The following PDE10A variants were observed in gnomAD, a reference collection of about 807,000 sequenced individuals.
PDE10A encodes phosphodiesterase 10A.
PDE10A carries 39 observed loss-of-function variants against 97.7 expected under a neutral mutation model. The observed-to-expected ratio is 0.40, with a 90% CI of 0.31 to 0.52. PDE10A has a LOEUF of 0.52. Among genes scored for constraint, PDE10A ranks in the 20% least tolerant of loss-of-function variants. The pLI, the probability that PDE10A is intolerant of heterozygous loss-of-function variation, is 0.56. For missense variants in PDE10A, 731 were observed against 1,047.8 expected (o/e 0.70, Z 4.17); for synonymous variants, 371 against 376.8 (o/e 0.98, Z 0.18).
intron 1 of PDE10A, among the ~76,000 whole-genome samples, chr6:165,646,469 G>C (rs191764235): frequency 1.3e-5 from 2 of 152,314 alleles, no homozygotes; most frequent in Admixed American, 1.3e-4. Context: ...TTACAGATGA[G>C]AAAATTAGAG....
At chr6:165,805,546 C>T (rs1306398139) in intron 1 of PDE10A, among the ~76,000 whole-genome samples, 2 of 152,120 alleles carry the variant, frequency 1.3e-5, no homozygotes, top group African/African-American at 4.8e-5. Flanking sequence ...ACCCCACCTT[C>T]GACATCATTT....
intron 1 of PDE10A, among the ~76,000 whole-genome samples, chr6:165,931,858 A>G (rs1583302577): frequency 6.6e-6 from 1 of 152,284 alleles, no homozygotes; most frequent in East Asian, 1.9e-4. Flanking sequence ...ACCCAGAGGA[A>G]AAAGCTCCAG....
At chr6:165,395,484 A>T (rs1197196287) in intron 14 of PDE10A, among the ~76,000 whole-genome samples, 1 of 152,168 alleles carries the variant, frequency 6.6e-6, no homozygotes, top group Non-Finnish European at 1.5e-5. Context: ...TGAGTTATTG[A>T]TTTTCTATTA....
intron 1 of PDE10A, 24 bp from the exon 2 acceptor site, chr6:165,543,592 A>C (rs564357775): frequency 6.3e-7 from 1 of 1,585,390 alleles, no homozygotes; most frequent in South Asian, 1.1e-5. Flanking sequence ...GAAAAGAATA[A>C]AATTCACCTA....
chr6:165,331,223 T>C lies in PDE10A; in HGVS notation c.*1802A>G, dbSNP rs951904216. ...TACATATATTACATCCATCCATATA[T>C]ATATGTGTGTGTATATATCTAGCCA... On this transcript the variant is annotated 3_prime_UTR_variant, in exon 22 of 22. Transcript: ENST00000539869. 6.6e-6 allele frequency: 1 copy of C among 152,160 alleles called. No individual in the cohort carries two copies. Among genetic ancestry groups the C allele is most frequent in the Non-Finnish European group, 1.5e-5 (1 of 68,012 alleles). The allele number at this position is 152,160 out of a possible 1,614,324, so 9.4% of individuals were successfully genotyped here.
chr6:165,875,545 A>C (rs2280556), intron 1 of PDE10A, among the ~76,000 whole-genome samples: 1 of 151,976 alleles, frequency 6.6e-6, no homozygotes, highest in Admixed American at 6.5e-5. Flanking sequence ...CACAAGACAA[A>C]ACCATTGATT....
At chr6:165,410,664 C>T (rs934521145) in intron 13 of PDE10A, among the ~76,000 whole-genome samples, 1 of 152,004 alleles carries the variant, frequency 6.6e-6, no homozygotes, top group Non-Finnish European at 1.5e-5. Context: ...CAAGTGCAGA[C>T]GGTTAATAGG....
chr6:165,742,690 G>C (rs922480504), intron 1 of PDE10A, among the ~76,000 whole-genome samples: 3 of 152,128 alleles, frequency 2.0e-5, no homozygotes, highest in African/African-American at 7.2e-5. Flanking sequence ...AGGTGAGCAC[G>C]ACAGTTCTCA....
At chr6:165,411,977 T>G (rs947709681) in intron 13 of PDE10A, among the ~76,000 whole-genome samples, 7 of 152,086 alleles carry the variant, frequency 4.6e-5, no homozygotes, top group African/African-American at 1.7e-4. Flanking sequence ...TCACGAACAG[T>G]TATATTAACT....
At position 165,458,930 on chromosome 6, in the gene PDE10A, C is replaced by T. The variant is rs532967923; in HGVS notation, c.1024-8568G>A. On this transcript the variant is annotated intron_variant, in intron 3 of 21. Coordinates refer to ENST00000539869, the MANE Select transcript of PDE10A (RefSeq NM_001385079.1). ...CTATAAAGGATTATGACCCCCCACC[C>T]GTCTAAGTTCAAATCCCAGATCACA... Among the ~76,000 whole-genome samples the T allele has an allele frequency of 1.2e-4, 19 of 152,258 alleles. No homozygotes were observed. In the East Asian group the frequency reaches 3.1e-3, roughly 25 times the overall value.
intron 1 of PDE10A, among the ~76,000 whole-genome samples, chr6:165,644,313 G>A (rs753888972): frequency 6.6e-6 from 1 of 152,102 alleles, no homozygotes; most frequent in Non-Finnish European, 1.5e-5. Flanking sequence ...TGCCGGCCTC[G>A]GCCTCCCAAA....
chr6:165,353,666 C>T (rs945519963), intron 18 of PDE10A, among the ~76,000 whole-genome samples: 1 of 152,104 alleles, frequency 6.6e-6, no homozygotes, highest in African/African-American at 2.4e-5. Flanking sequence ...AACTATATGA[C>T]ATTCTGGAAA....
intron 1 of PDE10A, among the ~76,000 whole-genome samples, chr6:165,866,145 GA>G (rs199601491): frequency 8.4e-4 from 124 of 147,814 alleles, no homozygotes; most frequent in African/African-American, 2.9e-3. Context: ...TGGCTAAATG[GA>G]AAAAAAAAAT....
chr6:165,910,621 A>G (rs890480563), intron 1 of PDE10A, among the ~76,000 whole-genome samples: 2 of 152,242 alleles, frequency 1.3e-5, no homozygotes, highest in East Asian at 3.8e-4. Flanking sequence ...AGCTCCTAGT[A>G]AAATGAATTT....
intron 1 of PDE10A, among the ~76,000 whole-genome samples, chr6:165,839,280 A>G (rs1308918583): frequency 6.6e-6 from 1 of 152,212 alleles, no homozygotes; most frequent in East Asian, 1.9e-4. Flanking sequence ...TATAATCACT[A>G]CAGCTGCACA....
chr6:165,981,795 C>T (rs1785027725), intron 1 of PDE10A, among the ~76,000 whole-genome samples: 1 of 152,196 alleles, frequency 6.6e-6, no homozygotes, highest in African/African-American at 2.4e-5. Context: ...CTTCCGAGGG[C>T]CATGCCCATT....
intron 1 of PDE10A, among the ~76,000 whole-genome samples, chr6:165,805,249 C>T (rs1779102964): frequency 2.0e-5 from 3 of 152,070 alleles, no homozygotes; most frequent in Admixed American, 1.3e-4. Context: ...GAAGCCTACC[C>T]TGGAGGCAGC....
chr6:165,645,470 C>G (rs893669243), intron 1 of PDE10A, among the ~76,000 whole-genome samples: 1 of 152,146 alleles, frequency 6.6e-6, no homozygotes, highest in African/African-American at 2.4e-5. Flanking sequence ...CCAGTGGAAT[C>G]AGAAGTAAGT....
chr6:165,890,481 A>G (rs1781762249), intron 1 of PDE10A, among the ~76,000 whole-genome samples: 1 of 151,854 alleles, frequency 6.6e-6, no homozygotes, highest in African/African-American at 2.4e-5. Flanking sequence ...CCTCCTGAGT[A>G]TGTGTGGACC....
Sources: allele counts gnomAD v4.1 joint callset (sites outside exome capture counted in the v4.1 genomes callset), GRCh38; gene constraint gnomAD v4.1.1; transcripts MANE v1.5; gene names NCBI Gene and HGNC (gene_info 2026-07-23, HGNC 2026-07-21).